Variants in STK3 observed in about 807,000 individuals in gnomAD.
The protein encoded by STK3 is serine/threonine-protein kinase 3.
Under a neutral mutation model 58.0 loss-of-function variants are expected in STK3, and 41 were observed. That is an observed-to-expected ratio of 0.71 (90% confidence interval 0.55 to 0.92). The LOEUF (loss-of-function observed/expected upper bound fraction) is 0.92, where lower values mean the gene tolerates loss of function less well. STK3 is among the 40% of genes least tolerant of loss of function. The pLI is 0.00. For synonymous variants in STK3, 170 were observed against 191.0 expected (o/e 0.89, Z 0.91); for missense variants, 479 against 602.7 (o/e 0.79, Z 2.15).
intron 6 of STK3, among the ~76,000 whole-genome samples, chr8:98,645,986 A>G (rs559915944): frequency 6.6e-6 from 1 of 152,232 alleles, no homozygotes; most frequent in Admixed American, 6.5e-5. Context: ...CCACTTTTCA[A>G]TGTCAACTTC....
chr8:98,817,270 A>G (rs1370998760), intron 1 of STK3, among the ~76,000 whole-genome samples: 1 of 152,112 alleles, frequency 6.6e-6, no homozygotes, highest in African/African-American at 2.4e-5. Flanking sequence ...ACAGGCCAAT[A>G]TGGTGAAACC....
At chr8:98,927,070 G>T (rs149066385) in intron 1 of STK3, among the ~76,000 whole-genome samples, 5 of 152,342 alleles carry the variant, frequency 3.3e-5, no homozygotes, top group African/African-American at 1.2e-4. Context: ...AGCAGATCAA[G>T]CTAGAATCAA....
At chr8:98,925,382 G>A (rs1013818124) in intron 1 of STK3, among the ~76,000 whole-genome samples, 2 of 152,220 alleles carry the variant, frequency 1.3e-5, no homozygotes, top group African/African-American at 2.4e-5. Context: ...AGAGAGATAC[G>A]TGACTATTCT....
At chr8:98,561,647 C>A (rs1209880835) in intron 8 of STK3, among the ~76,000 whole-genome samples, 2 of 152,014 alleles carry the variant, frequency 1.3e-5, no homozygotes, top group African/African-American at 4.8e-5. Flanking sequence ...AAGAATGAGA[C>A]CCTGTCTCTA....
chr8:98,828,592 AAGAAAG>A (rs1212565313), upstream of STK3, among the ~76,000 whole-genome samples: 1 of 151,594 alleles, frequency 6.6e-6, no homozygotes, highest in African/African-American at 2.4e-5. Context: ...AAAGAAAGAA[AAGAAAG>A]AAAGAAAGAG....
chr8:98,923,949 T>C (rs1169198073), intron 1 of STK3, among the ~76,000 whole-genome samples: 1 of 152,018 alleles, frequency 6.6e-6, no homozygotes, highest in South Asian at 2.1e-4. Context: ...CTTTTTATTT[T>C]TTTCCCCCTG....
intron 1 of STK3, among the ~76,000 whole-genome samples, chr8:98,939,845 G>T (rs569894800): frequency 3.3e-5 from 5 of 152,358 alleles, no homozygotes; most frequent in Admixed American, 3.3e-4. Flanking sequence ...TGGGCGGTTG[G>T]GGCCTTCCCA....
chr8:98,691,380 G>A (rs1477569186), intron 6 of STK3, among the ~76,000 whole-genome samples: 2 of 152,028 alleles, frequency 1.3e-5, no homozygotes, highest in African/African-American at 4.8e-5. Context: ...CCTCTACTTG[G>A]TAGACAACTA....
chr8:98,613,688 C>T (rs1587012748), intron 6 of STK3, among the ~76,000 whole-genome samples: 1 of 151,512 alleles, frequency 6.6e-6, no homozygotes, highest in African/African-American at 2.4e-5. Flanking sequence ...AAAACTTTAG[C>T]CATAACATAT....
intron 3 of STK3, chr8:98,432,831 T>C (rs1818356403): frequency 1.2e-5 from 2 of 166,828 alleles, no homozygotes; most frequent in African/African-American, 2.4e-5. Context: ...TGTGCAAGCA[T>C]TGACACAGGC....
At chr8:98,468,377 G>A (rs1820643655) in intron 10 of STK3, among the ~76,000 whole-genome samples, 1 of 152,106 alleles carries the variant, frequency 6.6e-6, no homozygotes, top group South Asian at 2.1e-4. Context: ...ACAGACAAAT[G>A]TACAAATTAA....
chr8:98,647,772 G>T (rs1304780495), intron 6 of STK3, among the ~76,000 whole-genome samples: 1 of 152,176 alleles, frequency 6.6e-6, no homozygotes, highest in East Asian at 1.9e-4. Flanking sequence ...CTCCTGAGTA[G>T]CTGGGATTGT....
upstream of STK3, among the ~76,000 whole-genome samples, chr8:98,390,777 C>G (rs1414866212): frequency 6.6e-6 from 1 of 151,988 alleles, no homozygotes; most frequent in Non-Finnish European, 1.5e-5. Context: ...ATTTATTTAT[C>G]TTTAAGTTCA....
At chr8:98,696,294 A>G (rs558178927) in intron 6 of STK3, among the ~76,000 whole-genome samples, 3 of 152,210 alleles carry the variant, frequency 2.0e-5, no homozygotes, top group Admixed American at 6.5e-5. Flanking sequence ...CAATCATGTC[A>G]TCTGCAAACA....
intron 10 of STK3, among the ~76,000 whole-genome samples, chr8:98,457,428 T>C (rs556484121): frequency 2.6e-5 from 4 of 152,344 alleles, no homozygotes; most frequent in South Asian, 4.1e-4. Flanking sequence ...ACTATGTCTA[T>C]GTAGGATCCA....
intron 10 of STK3, among the ~76,000 whole-genome samples, chr8:98,485,752 C>T (rs563599173): frequency 1.2e-4 from 18 of 152,112 alleles, no homozygotes; most frequent in African/African-American, 4.1e-4. Flanking sequence ...GACTAGAGTT[C>T]GGGGGCACAG....
chr8:98,383,720 G>A (rs1326222753), intron 1 of STK3, among the ~76,000 whole-genome samples: 3 of 152,238 alleles, frequency 2.0e-5, no homozygotes. Context: ...GTTGTACCAT[G>A]TTGTGCTCTG....
intron 1 of STK3, among the ~76,000 whole-genome samples, chr8:98,782,960 C>T (rs1431119332): frequency 6.6e-6 from 1 of 151,810 alleles, no homozygotes; most frequent in African/African-American, 2.4e-5. Context: ...CATAAACCCA[C>T]ACAGATGCAT....
intron 1 of STK3, among the ~76,000 whole-genome samples, chr8:98,775,655 G>C (rs554904370): frequency 1.3e-5 from 2 of 152,318 alleles, no homozygotes; most frequent in African/African-American, 4.8e-5. Flanking sequence ...AGCAGTATGG[G>C]AAATGTCTTA....
Sources: gnomAD v4.1 joint callset for allele counts (sites outside exome capture counted in the v4.1 genomes callset) on GRCh38, gnomAD v4.1.1 for gene constraint, MANE v1.5 for transcripts, NCBI Gene and HGNC (gene_info 2026-07-23, HGNC 2026-07-21) for gene names.